Variants in KALRN observed in about 807,000 individuals in gnomAD.
KALRN encodes kalirin RhoGEF kinase.
Under a neutral mutation model 353.7 loss-of-function variants are expected in KALRN, and 70 were observed. The ratio of observed to expected loss-of-function variants is 0.20; its 90% CI spans 0.16 to 0.24. The LOEUF (loss-of-function observed/expected upper bound fraction) is 0.24. Among genes scored for constraint, KALRN ranks in the 10% least tolerant of loss-of-function variants. KALRN has a pLI of 1.00. For missense variants in KALRN, 2,791 were observed against 3,756.7 expected, an observed-to-expected ratio of 0.74 and a Z score of 6.72; for synonymous variants, 1,391 against 1,434.8, an observed-to-expected ratio of 0.97 and a Z score of 0.69.
chr3:124,262,756 A>G (rs139845449), intron 3 of KALRN, among the ~76,000 whole-genome samples: 5 of 152,218 alleles, frequency 3.3e-5, no homozygotes, highest in Admixed American at 1.3e-4. Context: ...CCCCCCAAAA[A>G]GGTTTTTATT....
chr3:124,121,510 A>G (rs2064026160), intron 1 of KALRN, among the ~76,000 whole-genome samples: 1 of 152,102 alleles, frequency 6.6e-6, no homozygotes, highest in African/African-American at 2.4e-5. Context: ...GTACTGTGTT[A>G]TTTATTTCTC....
chr3:124,164,980 C>T (rs1033547960), intron 1 of KALRN, among the ~76,000 whole-genome samples: 1 of 152,174 alleles, frequency 6.6e-6, no homozygotes, highest in Non-Finnish European at 1.5e-5. Context: ...GAGGGGGGCT[C>T]TCTGCAGTAT....
intron 27 of KALRN, among the ~76,000 whole-genome samples, chr3:124,477,606 AG>A (rs1249011048): frequency 6.6e-6 from 1 of 152,204 alleles, no homozygotes; most frequent in Non-Finnish European, 1.5e-5. Context: ...TGTTTAGAGG[AG>A]GGCCACTATG....
Position 124,518,420 on chromosome 3 carries a change from G to T in KALRN, c.4935+22007G>T, listed in dbSNP as rs151230895. 1,322 of 1,614,006 alleles carry T rather than the reference G, an allele frequency of 8.2e-4. 2 individuals carry two copies. Among genetic ancestry groups the T allele is most frequent in the Non-Finnish European group, 1.1e-3 (1,281 of 1,180,004 alleles). On this transcript the variant is annotated intron_variant, in intron 33 of 59. Transcript: ENST00000682506. ...AACAGGATGGCAACCTTGTTCCTCG[G>T]TGGCACCTGGGACCTGGAGATCCTT...
At chr3:124,085,864 C>T (rs138797750) in intron 1 of KALRN, among the ~76,000 whole-genome samples, 126 of 152,280 alleles carry the variant, frequency 8.3e-4, no homozygotes, top group African/African-American at 3.0e-3. Flanking sequence ...CCTACTAGAA[C>T]TCTTCTAGGC....
chr3:124,648,281 G>T (rs598248), intron 37 of KALRN, among the ~76,000 whole-genome samples: 3 of 152,014 alleles, frequency 2.0e-5, no homozygotes, highest in Admixed American at 6.6e-5. Flanking sequence ...TCTTGTCCTT[G>T]TCTCTCACTG....
At chr3:124,460,884 C>G (rs2059793560) in intron 23 of KALRN, among the ~76,000 whole-genome samples, 1 of 152,180 alleles carries the variant, frequency 6.6e-6, no homozygotes, top group African/African-American at 2.4e-5. Flanking sequence ...GAAGAGAACC[C>G]TCTCTTTAAA....
intron 1 of KALRN, among the ~76,000 whole-genome samples, chr3:124,158,868 C>G (rs1053775322): frequency 5.3e-5 from 8 of 152,210 alleles, no homozygotes; most frequent in African/African-American, 1.9e-4. Flanking sequence ...CATCCCCCTA[C>G]TCCCCCTAGT....
intron 13 of KALRN, among the ~76,000 whole-genome samples, chr3:124,403,288 A>G (rs1202586875): frequency 6.6e-6 from 1 of 152,356 alleles, no homozygotes; most frequent in Non-Finnish European, 1.5e-5. Flanking sequence ...TATAATATAT[A>G]TACACATATA....
intron 3 of KALRN, among the ~76,000 whole-genome samples, chr3:124,244,900 T>C (rs1295665503): frequency 6.6e-6 from 1 of 152,164 alleles, no homozygotes; most frequent in Non-Finnish European, 1.5e-5. Context: ...ATAGGGTGCA[T>C]ATGATATTTT....
chr3:124,226,488 G>T (rs2078517813), intron 1 of KALRN, among the ~76,000 whole-genome samples: 1 of 152,182 alleles, frequency 6.6e-6, no homozygotes, highest in Admixed American at 6.5e-5. Flanking sequence ...AACGACTGAT[G>T]AATAAAAAGA....
At chr3:124,362,678 C>A (rs1265117750) in intron 10 of KALRN, among the ~76,000 whole-genome samples, 1 of 152,228 alleles carries the variant, frequency 6.6e-6, no homozygotes, top group Non-Finnish European at 1.5e-5. Context: ...TCGGCAATGC[C>A]AAATATGGAT....
At position 124,626,038 on chromosome 3, in the gene KALRN, G is replaced by A. The variant is rs138391458; in HGVS notation, c.5183-6382G>A. ...AGAGGTTGCAGTGAGCTGAGATCGCGCCATTGCACACCAGCTTAGGCAACA... is the reference window on the plus strand; with the variant it reads ...AGAGGTTGCAGTGAGCTGAGATCGCACCATTGCACACCAGCTTAGGCAACA... On this transcript the variant is annotated intron_variant, in intron 34 of 59. Coordinates refer to ENST00000682506, the MANE Select transcript of KALRN (RefSeq NM_001388419.1). Among the ~76,000 whole-genome samples the A allele has an allele frequency of 7.9e-5, 12 of 152,024 alleles. No homozygotes were observed. In the East Asian group the frequency reaches 2.1e-3, roughly 27 times the overall value.
At chr3:124,382,634 C>T (rs1319705612) in intron 10 of KALRN, among the ~76,000 whole-genome samples, 2 of 152,160 alleles carry the variant, frequency 1.3e-5, no homozygotes, top group Non-Finnish European at 2.9e-5. Flanking sequence ...AATTTGCAAG[C>T]AAGCTCACTT....
intron 8 of KALRN, 122 bp downstream of exon 8, chr3:124,330,114 C>T: frequency 2.8e-6 from 3 of 1,064,048 alleles, no homozygotes; most frequent in South Asian, 2.0e-5. Flanking sequence ...GGCTGTTTTT[C>T]TTTTTTTTTG....
intron 33 of KALRN, among the ~76,000 whole-genome samples, chr3:124,544,841 T>C (rs2069450008): frequency 6.6e-6 from 1 of 152,142 alleles, no homozygotes; most frequent in Admixed American, 6.5e-5. Context: ...AATCAATTAG[T>C]ATGGAAACTG....
chr3:124,113,996 A>G (rs2149527645), intron 1 of KALRN, among the ~76,000 whole-genome samples: 1 of 152,276 alleles, frequency 6.6e-6, no homozygotes, highest in Non-Finnish European at 1.5e-5. Flanking sequence ...GGTCTTTGGT[A>G]GTGCTGGAAG....
At chr3:124,592,655 C>G (rs548998940) in intron 34 of KALRN, among the ~76,000 whole-genome samples, 1 of 152,320 alleles carries the variant, frequency 6.6e-6, no homozygotes, top group African/African-American at 2.4e-5. Context: ...ATTCCAGCCC[C>G]CATGGTGCTG....
At chr3:124,133,462 A>G (rs1265375320) in intron 1 of KALRN, among the ~76,000 whole-genome samples, 1 of 152,216 alleles carries the variant, frequency 6.6e-6, no homozygotes, top group East Asian at 1.9e-4. Flanking sequence ...CTGCTAGAAT[A>G]AGCACAGAGC....
Sources: gnomAD v4.1 joint callset for allele counts (sites outside exome capture counted in the v4.1 genomes callset) on GRCh38, gnomAD v4.1.1 for gene constraint, MANE v1.5 for transcripts, NCBI Gene and HGNC (gene_info 2026-07-23, HGNC 2026-07-21) for gene names.